TGM7: variants seen among roughly 807,000 people sequenced by gnomAD.
TGM7 encodes protein-glutamine gamma-glutamyltransferase Z.
Under a neutral mutation model 79.5 loss-of-function variants are expected in TGM7, and 74 were observed. The observed-to-expected ratio is 0.93, with a 90% CI of 0.77 to 1.13. TGM7 has a LOEUF of 1.13. Among genes scored for constraint, TGM7 ranks in the 50% most tolerant of loss-of-function variants. The probability of loss-of-function intolerance (pLI) is 0.00; values close to 1 mark genes in which losing one functional copy is unlikely to be tolerated. For missense variants in TGM7, 912 were observed against 905.9 expected (o/e 1.01, Z -0.09); for synonymous variants, 354 against 362.5 (o/e 0.98, Z 0.27).
chr15:43,279,828 A>T lies in TGM7; in HGVS notation c.1475T>A (p.Leu492Gln), dbSNP rs375379129. The stretch of plus-strand genomic sequence containing the variant: ...GGGTATCCTGGCCAGGTGAAGCTGC[A>T]GCTGCGCTGGCTGATCCCTAAGACC... ...SGGLRDQPAQLQLHLARIPEW... is the reference protein window; with the variant it reads ...SGGLRDQPAQQQLHLARIPEW... Residue 492 changes from leucine (L) to glutamine (Q), a missense_variant, in exon 10 of 13, where the codon CTG (leucine) becomes CAG (glutamine). By Grantham distance (113) the Leu-to-Gln change is moderately radical (BLOSUM62 -2). Transcript: ENST00000452443. The T allele has an allele frequency of 3.3e-5, 53 of 1,614,134 alleles. No individual in the cohort carries two copies. Among genetic ancestry groups the T allele is most frequent in the Middle Eastern group, 1.6e-4 (1 of 6,084 alleles).
At chr15:43,297,764 C>A (rs966640323) in intron 1 of TGM7, among the ~76,000 whole-genome samples, 2 of 152,208 alleles carry the variant, frequency 1.3e-5, no homozygotes, top group African/African-American at 4.8e-5. Flanking sequence ...TCTCTCCACT[C>A]GGGTCTTGGC....
At chr15:43,277,584 G>A (rs1329934749) in intron 11 of TGM7, among the ~76,000 whole-genome samples, 1 of 152,212 alleles carries the variant, frequency 6.6e-6, no homozygotes, top group Non-Finnish European at 1.5e-5. Flanking sequence ...AGCAGGGCAT[G>A]CACTCGAGTT....
At chr15:43,300,800 G>A (rs184465207) in intron 1 of TGM7, among the ~76,000 whole-genome samples, 1 of 152,146 alleles carries the variant, frequency 6.6e-6, no homozygotes, top group Non-Finnish European at 1.5e-5. Flanking sequence ...GCAAGACTCC[G>A]TCTCAAAAAT....
In TGM7 at chr15:43,297,053, A is replaced by G. The variant is rs138959515; in HGVS notation, c.11-3422T>C. Among the ~76,000 whole-genome samples the G allele has an allele frequency of 7.2e-5, 11 of 152,298 alleles. No individual in the cohort carries two copies. The East Asian group carries it at 2.1e-3, about 29-fold the overall frequency. On this transcript the variant is annotated intron_variant, in intron 1 of 12. Transcript: ENST00000452443. ...ACCACTGGAGTTAATGACATGAGTAAGAGGAGAGTTAAGCCCCAGCCACAA... is the reference window on the plus strand; with the variant it reads ...ACCACTGGAGTTAATGACATGAGTAGGAGGAGAGTTAAGCCCCAGCCACAA...
chr15:43,284,114 G>C (rs747235114), intron 7 of TGM7, among the ~76,000 whole-genome samples: 4 of 152,164 alleles, frequency 2.6e-5, no homozygotes, highest in Admixed American at 6.5e-5. Context: ...CAGGAGAATT[G>C]CTTGAACCTG....
At chr15:43,290,611 G>T (rs963873953) in intron 4 of TGM7, among the ~76,000 whole-genome samples, 12 of 152,288 alleles carry the variant, frequency 7.9e-5, no homozygotes, top group African/African-American at 1.9e-4. Context: ...GAAAGTCATT[G>T]GTAGCTTGAT....
chr15:43,299,713 GCTT>G (rs2043017082), intron 1 of TGM7, among the ~76,000 whole-genome samples: 1 of 152,160 alleles, frequency 6.6e-6, no homozygotes, highest in Admixed American at 6.5e-5. Context: ...ATTTATTCTA[GCTT>G]CTTTTCTCTT....
At position 43,291,973 on chromosome 15, in the gene TGM7, T is replaced by A; in HGVS notation, c.558+6A>T. The A allele has an allele frequency of 1.2e-6, 2 of 1,609,788 alleles. No individual in the cohort carries two copies. The highest frequency in any genetic ancestry group is 1.7e-6 in the Non-Finnish European group (2 of 1,176,196). ...ACCCCAGGCCCACATTGGGTAATAG[T>A]GTTACCTGCCCGTAGTTCCAGGGCC... On this transcript the variant is annotated splice_donor_region_variant and intron_variant, in intron 4 of 12. Coordinates refer to ENST00000452443, the MANE Select transcript of TGM7 (RefSeq NM_052955.3).
chr15:43,295,251 G>C (rs1029492444), intron 1 of TGM7, among the ~76,000 whole-genome samples: 3 of 152,216 alleles, frequency 2.0e-5, no homozygotes, highest in African/African-American at 7.2e-5. Context: ...GTGGCCAGTT[G>C]TGTATCATCA....
chr15:43,281,143 T>A (rs1486322002), intron 9 of TGM7, among the ~76,000 whole-genome samples: 1 of 152,268 alleles, frequency 6.6e-6, no homozygotes, highest in Non-Finnish European at 1.5e-5. Context: ...CAGTGCTTTC[T>A]ATGGACACTC....
chr15:43,302,098 A>C (rs1023326535), intron 1 of TGM7, 143 bp downstream of exon 1: 4 of 926,842 alleles, frequency 4.3e-6, no homozygotes, highest in Non-Finnish European at 7.0e-6. Flanking sequence ...GAGAAGTAAG[A>C]AGAAGGAGCC....
At chr15:43,285,573 C>A (rs768251127) in intron 6 of TGM7, among the ~76,000 whole-genome samples, 11 of 152,040 alleles carry the variant, frequency 7.2e-5, no homozygotes, top group African/African-American at 1.2e-4. Context: ...CACCCTAGCT[C>A]TGAAATTTGG....
chr15:43,276,532 C>G lies in TGM7; in HGVS notation c.2056G>C (p.Val686Leu), dbSNP rs1006727519. 6.2e-7 allele frequency: 1 copy of G among 1,614,112 alleles called. No individual in the cohort carries two copies. Among genetic ancestry groups the G allele is most frequent in the South Asian group, 1.1e-5 (1 of 91,074 alleles). The change falls in exon 13 of 13, where the codon GTT becomes CTT. Residue 686 changes from valine to leucine, a missense_variant. Physicochemically the swap from Val to Leu is conservative, Grantham distance 32. Transcript: ENST00000452443. ...TTGACCTCGTTGCTGCTGATGAGAA[C>G]CTGGAGCTGGCGGGGTCCAGCTTTG... ...PTKAGPRQLQVLISSNEVKEI... is the reference protein window; with the variant it reads ...PTKAGPRQLQLLISSNEVKEI...
chr15:43,276,587 G>T lies in TGM7; in HGVS notation c.2001C>A (p.Thr667=), dbSNP rs1416507532. ...GGTAGAGGTCCAGTTGAATTTGGAG[G>T]GTGTGTCCGGCCACCAGAGTCCCAA... ...KDLGTLVAGH[T]LQIQLDLYPT... Residue 667 remains threonine (T), a synonymous_variant, in exon 13 of 13, where the codon ACC becomes ACA. Transcript: ENST00000452443. 6.2e-7 allele frequency: 1 copy of T among 1,613,904 alleles called. No homozygotes were observed. Among genetic ancestry groups the T allele is most frequent in the Non-Finnish European group, 8.5e-7 (1 of 1,179,962 alleles).
intron 1 of TGM7, among the ~76,000 whole-genome samples, chr15:43,297,921 C>A (rs561600066): frequency 6.6e-6 from 1 of 152,358 alleles, no homozygotes; most frequent in East Asian, 1.9e-4. Flanking sequence ...AAGCAAGAGA[C>A]CTCAGCCATC....
chr15:43,284,806 C>A lies in TGM7; in HGVS notation c.1004+8G>T. The A allele has an allele frequency of 6.2e-7, 1 of 1,614,114 alleles. No individual in the cohort carries two copies. Among genetic ancestry groups the A allele is most frequent in the South Asian group, 1.1e-5 (1 of 91,082 alleles). On this transcript the variant is annotated splice_region_variant and intron_variant, in intron 7 of 12. Transcript: ENST00000452443. ...AAGCAGAGATCTGTTCAAGACAGTGCCTCTCACCATATTTTGTCTCGTTTC... is the reference window on the plus strand; with the variant it reads ...AAGCAGAGATCTGTTCAAGACAGTGACTCTCACCATATTTTGTCTCGTTTC...
chr15:43,278,056 C>T (rs74806175), intron 11 of TGM7, among the ~76,000 whole-genome samples: 3,602 of 152,378 alleles, frequency 0.024, 159 homozygotes, highest in African/African-American at 0.083. Context: ...TGCCCCAGCA[C>T]AGAGGCTGCC....
chr15:43,281,827 A>C lies in TGM7; in HGVS notation c.1351+17T>G. 1 of 1,610,138 alleles carries C rather than the reference A, an allele frequency of 6.2e-7. No homozygotes were observed. Among genetic ancestry groups the C allele is most frequent in the Non-Finnish European group, 8.5e-7 (1 of 1,176,608 alleles). ...AGAAGCTTAAAGCAGCCCTTTCCCC[A>C]AATACCCGCCCAGCACCTTCTGGGT... On this transcript the variant is annotated intron_variant, in intron 9 of 12. Transcript: ENST00000452443.
intron 7 of TGM7, among the ~76,000 whole-genome samples, chr15:43,284,359 C>A (rs2042924428): frequency 2.0e-5 from 3 of 151,894 alleles, no homozygotes; most frequent in Admixed American, 1.3e-4. Flanking sequence ...CACACACACA[C>A]GCATGCATAT....
Sources: allele counts gnomAD v4.1 joint callset (sites outside exome capture counted in the v4.1 genomes callset), GRCh38; gene constraint gnomAD v4.1.1; transcripts MANE v1.5; gene names NCBI Gene and HGNC (gene_info 2026-07-23, HGNC 2026-07-21).